Variants in ADARB2 observed in about 807,000 individuals in gnomAD.
ADARB2 encodes adenosine deaminase RNA specific B2 (inactive).
Under a neutral mutation model 62.2 loss-of-function variants are expected in ADARB2, and 25 were observed. The ratio of observed to expected loss-of-function variants is 0.40; its 90% CI spans 0.29 to 0.56. ADARB2 has a LOEUF of 0.56. ADARB2 is among the 20% of genes least tolerant of loss of function. The pLI is 0.43. For missense variants in ADARB2, 1,071 were observed against 1,077.4 expected (o/e 0.99, Z 0.08); for synonymous variants, 572 against 500.8 (o/e 1.14, Z -1.90).
rs751422177 is a variant in ADARB2, at chr10:1,217,132, A to G, written c.1514-13T>C. ...TTGCTGCTGTGCACTAGGAGATAAA[A>G]GGGCGGGGAGGGGTGAGAAGAGGGA... On this transcript the variant is annotated splice_polypyrimidine_tract_variant and intron_variant, in intron 6 of 9. Transcript: ENST00000381312. The G allele has an allele frequency of 3.2e-6, 5 of 1,561,838 alleles. No homozygotes were observed. The highest frequency in any genetic ancestry group is 4.3e-6 in the Non-Finnish European group (5 of 1,151,962).
rs35344686 is a variant in ADARB2 at position 1,271,402 on chromosome 10, G to A, written c.1078-333C>T. On this transcript the variant is annotated intron_variant, in intron 3 of 9. Transcript: ENST00000381312. Reference sequence around the variant, plus strand: ...GCAGTGACTGGAGGAGTCTTTCGGCGGGGAGGGAATTTTTATAGGGATGAT... The same window carrying A: ...GCAGTGACTGGAGGAGTCTTTCGGCAGGGAGGGAATTTTTATAGGGATGAT... Among the ~76,000 whole-genome samples, 350 of 152,318 alleles carry A rather than the reference G, an allele frequency of 2.3e-3. 5 individuals carry two copies. Among genetic ancestry groups the A allele is most frequent in the Admixed American group, 0.02 (302 of 15,304 alleles).
intron 1 of ADARB2, among the ~76,000 whole-genome samples, chr10:1,391,853 C>T (rs1430129220): frequency 7.1e-6 from 1 of 141,540 alleles, no homozygotes; most frequent in Non-Finnish European, 1.5e-5. Context: ...TGGTTCACTG[C>T]AGCCTCAACC....
At chr10:1,478,942 G>A (rs1315344545) in intron 1 of ADARB2, among the ~76,000 whole-genome samples, 1 of 152,180 alleles carries the variant, frequency 6.6e-6, no homozygotes, top group Non-Finnish European at 1.5e-5. Context: ...CCTTGGAGGA[G>A]GAGGGGCCTG....
intron 1 of ADARB2, among the ~76,000 whole-genome samples, chr10:1,503,557 T>A (rs1831794546): frequency 6.6e-6 from 1 of 152,204 alleles, no homozygotes; most frequent in Non-Finnish European, 1.5e-5. Context: ...CAGCACGATA[T>A]AGATCTTGGT....
intron 1 of ADARB2, among the ~76,000 whole-genome samples, chr10:1,694,401 C>T (rs1375381959): frequency 1.3e-5 from 2 of 152,212 alleles, no homozygotes; most frequent in Non-Finnish European, 2.9e-5. Context: ...GGTGTGTATA[C>T]AATGTGTATG....
chr10:1,207,564 C>T (rs140512048), intron 7 of ADARB2, among the ~76,000 whole-genome samples: 108 of 152,032 alleles, frequency 7.1e-4, no homozygotes, highest in Middle Eastern at 3.4e-3. Flanking sequence ...AGAGGAGGCA[C>T]GAGAAGCTGT....
chr10:1,718,736 G>T (rs574485199), intron 1 of ADARB2, among the ~76,000 whole-genome samples: 2 of 152,096 alleles, frequency 1.3e-5, no homozygotes, highest in East Asian at 2.0e-4. Flanking sequence ...CAGGCCCCCA[G>T]GTTGTGTTTC....
At chr10:1,430,610 T>C (rs572339567) in intron 1 of ADARB2, among the ~76,000 whole-genome samples, 2 of 152,254 alleles carry the variant, frequency 1.3e-5, no homozygotes, top group African/African-American at 2.4e-5. Context: ...TGTGGCGGCA[T>C]GCATCTGTAA....
At position 1,200,035 on chromosome 10, in the gene ADARB2, T is replaced by C. The variant is rs1836963089; in HGVS notation, c.1795A>G (p.Met599Val). The change falls in exon 8 of 10, where the codon ATG (methionine) becomes GTG (valine). Residue 599 changes from methionine to valine, a missense_variant. By Grantham distance (21) the Met-to-Val change is conservative (BLOSUM62 1). Coordinates refer to ENST00000381312, the MANE Select transcript of ADARB2 (RefSeq NM_018702.4). ...CCGACACCCTCCATGCGGTGGCTCA[T>C]GACGCGTGCGAGGTGGCCCGTGTGG... ...LHHTGHLARV[M>V]SHRMEGVGQL... 1.9e-6 allele frequency: 3 copies of C among 1,596,070 alleles called. No homozygotes were observed. In the East Asian group the frequency reaches 6.7e-5, roughly 36 times the overall value.
chr10:1,482,520 G>A (rs2138690), intron 1 of ADARB2, among the ~76,000 whole-genome samples: 36,721 of 152,158 alleles, frequency 0.24, 5,478 homozygotes, highest in Non-Finnish European at 0.33. Context: ...TTACCAGGAG[G>A]AGAAGTGGGA....
intron 3 of ADARB2, among the ~76,000 whole-genome samples, chr10:1,316,683 TG>T (rs1357717941): frequency 6.6e-6 from 1 of 152,200 alleles, no homozygotes; most frequent in Admixed American, 6.5e-5. Flanking sequence ...CCTCTATTGC[TG>T]TGCCCTCCCC....
chr10:1,339,444 G>A (rs747341042), intron 3 of ADARB2, among the ~76,000 whole-genome samples: 5 of 152,180 alleles, frequency 3.3e-5, no homozygotes, highest in African/African-American at 7.2e-5. Flanking sequence ...GTGAGGAGGT[G>A]GAGACAAACT....
At chr10:1,690,069 G>GA (rs1834649615) in intron 1 of ADARB2, among the ~76,000 whole-genome samples, 1 of 152,188 alleles carries the variant, frequency 6.6e-6, no homozygotes, top group Non-Finnish European at 1.5e-5. Flanking sequence ...GCTATGGGAA[G>GA]AAAAGAAAGC....
intron 3 of ADARB2, among the ~76,000 whole-genome samples, chr10:1,272,314 C>G (rs1341432467): frequency 6.6e-6 from 1 of 152,236 alleles, no homozygotes; most frequent in East Asian, 1.9e-4. Context: ...GACGCTGATG[C>G]TGCGCAGGCA....
At chr10:1,614,343 G>A (rs1833605070) in intron 1 of ADARB2, among the ~76,000 whole-genome samples, 1 of 152,156 alleles carries the variant, frequency 6.6e-6, no homozygotes, top group Non-Finnish European at 1.5e-5. Context: ...TTTTAAACTA[G>A]GCAAAGCAAA....
At chr10:1,308,862 T>C (rs1831657609) in intron 3 of ADARB2, among the ~76,000 whole-genome samples, 1 of 152,254 alleles carries the variant, frequency 6.6e-6, no homozygotes, top group South Asian at 2.1e-4. Context: ...CATTTTTCTC[T>C]AGCACTTTAT....
chr10:1,385,120 G>T (rs1027229935), intron 1 of ADARB2, among the ~76,000 whole-genome samples: 1 of 152,120 alleles, frequency 6.6e-6, no homozygotes, highest in African/African-American at 2.4e-5. Context: ...AAACTGGTCA[G>T]TAATAAACTA....
At chr10:1,446,869 G>A (rs1830977686) in intron 1 of ADARB2, among the ~76,000 whole-genome samples, 1 of 152,120 alleles carries the variant, frequency 6.6e-6, no homozygotes, top group Non-Finnish European at 1.5e-5. Context: ...CCTGACTTAG[G>A]CCCCGGGAGG....
chr10:1,600,948 G>A (rs1280516505), intron 1 of ADARB2, among the ~76,000 whole-genome samples: 2 of 152,304 alleles, frequency 1.3e-5, no homozygotes, highest in East Asian at 1.9e-4. Flanking sequence ...TAGCTGGTGG[G>A]AGCGATGATG....
Sources: gnomAD v4.1 joint callset for allele counts (sites outside exome capture counted in the v4.1 genomes callset) on GRCh38, gnomAD v4.1.1 for gene constraint, MANE v1.5 for transcripts, NCBI Gene and HGNC (gene_info 2026-07-23, HGNC 2026-07-21) for gene names.